RAD54L2: variants seen among roughly 807,000 people sequenced by gnomAD.
The protein encoded by RAD54L2 is helicase ARIP4.
In RAD54L2, 27 loss-of-function variants were observed where a neutral mutation model predicts 138.4. The ratio of observed to expected loss-of-function variants is 0.20; its 90% CI spans 0.14 to 0.27. The LOEUF is 0.27. RAD54L2 is among the 10% of genes least tolerant of loss of function. The pLI is 1.00. For synonymous variants in RAD54L2, 644 were observed against 723.2 expected (o/e 0.89, Z 1.76); for missense variants, 1,396 against 1,890.2 (o/e 0.74, Z 4.85).
chr3:51,645,584 C>T lies in RAD54L2; in HGVS notation c.2657-7C>T. The T allele has an allele frequency of 1.2e-6, 2 of 1,605,442 alleles. No individual in the cohort carries two copies. Among genetic ancestry groups the T allele is most frequent in the East Asian group, 4.5e-5 (2 of 44,758 alleles). On this transcript the variant is annotated splice_region_variant and splice_polypyrimidine_tract_variant and intron_variant, in intron 17 of 22. Transcript: ENST00000684192. This position sits in a 1 kb window ranked among gnomAD's most constrained non-coding sequence, Gnocchi z 6.1. ...TGCTGACTTTCTTCATGTCTTTATC[C>T]TTCTAGATCGGGTGGTGGATGATCT...
intron 3 of RAD54L2, among the ~76,000 whole-genome samples, chr3:51,607,848 G>GC (rs1170184763): frequency 4.0e-5 from 6 of 148,810 alleles, no homozygotes; most frequent in Admixed American, 2.0e-4. Context: ...GGGCAGAGGC[G>GC]CCCCCCACCT....
chr3:51,577,321 A>T (rs1164537561), intron 2 of RAD54L2, among the ~76,000 whole-genome samples: 1 of 152,112 alleles, frequency 6.6e-6, no homozygotes, highest in African/African-American at 2.4e-5. Context: ...TGTATATTCT[A>T]TTGATTTGGG....
In RAD54L2 at chr3:51,633,697, A is replaced by G; in HGVS notation, c.946A>G (p.Ile316Val). ...SMGLGKTLQV[I>V]SFIDVLFRHT... ...GGGTCTGGGGAAAACTTTGCAAGTG[A>G]TCTCTTTCATCGACGTCCTCTTCCG... The change falls in exon 8 of 23, where the codon ATC (isoleucine) becomes GTC (valine). Residue 316 changes from isoleucine (I) to valine (V), a missense_variant. By Grantham distance (29) the Ile-to-Val change is conservative. Around this residue, in one of 7 missense-constraint regions of RAD54L2, gnomAD observed 169 missense variants for 235.6 expected, o/e 0.72. Transcript: ENST00000684192. 1 of 1,613,922 alleles carries G rather than the reference A, an allele frequency of 6.2e-7. No individual in the cohort carries two copies. The highest frequency in any genetic ancestry group is 8.5e-7 in the Non-Finnish European group (1 of 1,179,862).
At chr3:51,582,836 G>C (rs1028561419) in intron 2 of RAD54L2, among the ~76,000 whole-genome samples, 1 of 151,434 alleles carries the variant, frequency 6.6e-6, no homozygotes, top group East Asian at 2.0e-4. Flanking sequence ...CGCAATCTCG[G>C]CTCACTGCAA....
chr3:51,547,226 C>G (rs555396778), intron 2 of RAD54L2, among the ~76,000 whole-genome samples: 1 of 151,942 alleles, frequency 6.6e-6, no homozygotes, highest in African/African-American at 2.4e-5. Flanking sequence ...GTGACACACA[C>G]CTAGAAGTTA....
chr3:51,571,441 G>A (rs1699334830), intron 2 of RAD54L2, among the ~76,000 whole-genome samples: 1 of 148,832 alleles, frequency 6.7e-6, no homozygotes, highest in African/African-American at 2.5e-5. Context: ...GTCCAGGCTG[G>A]TGTGCAGTGG....
At chr3:51,557,161 T>C in intron 2 of RAD54L2, among the ~76,000 whole-genome samples, 1 of 149,940 alleles carries the variant, frequency 6.7e-6, no homozygotes, top group South Asian at 2.1e-4. Context: ...ATATATTCCC[T>C]ATTTTTTGTT....
At chr3:51,657,896 A>G (rs950387512) in intron 21 of RAD54L2, among the ~76,000 whole-genome samples, 11 of 147,032 alleles carry the variant, frequency 7.5e-5, no homozygotes, top group Non-Finnish European at 1.3e-4. Flanking sequence ...TAGGGTCCCT[A>G]CATTTCTCTA....
intron 7 of RAD54L2, among the ~76,000 whole-genome samples, chr3:51,633,338 G>A (rs780722655): frequency 4.6e-5 from 7 of 152,172 alleles, no homozygotes; most frequent in African/African-American, 1.2e-4. Context: ...TGACACTACC[G>A]ATTCATGCAT....
intron 21 of RAD54L2, among the ~76,000 whole-genome samples, chr3:51,658,182 T>C (rs1701657852): frequency 6.6e-6 from 1 of 152,012 alleles, no homozygotes; most frequent in South Asian, 2.1e-4. Flanking sequence ...TCCGCCCACC[T>C]GGGCCTCCCA....
intron 3 of RAD54L2, among the ~76,000 whole-genome samples, chr3:51,607,983 T>C (rs1290270964): frequency 2.8e-5 from 4 of 144,016 alleles, no homozygotes; most frequent in African/African-American, 8.0e-5. Flanking sequence ...GCCCCCCACC[T>C]CCCGGGCGGG....
At chr3:51,630,179 C>G (rs758318099) in intron 5 of RAD54L2, 93 bp from the exon 6 acceptor site, 3 of 929,948 alleles carry the variant, frequency 3.2e-6, no homozygotes, top group Non-Finnish European at 5.2e-6. Flanking sequence ...CCCATGAGAG[C>G]TATAAAAGAA....
chr3:51,661,712 T>C (rs1701779597), intron 22 of RAD54L2, among the ~76,000 whole-genome samples: 1 of 152,216 alleles, frequency 6.6e-6, no homozygotes, highest in Non-Finnish European at 1.5e-5. Flanking sequence ...AGTTGAAAAA[T>C]AGCACCATGA....
chr3:51,665,308 T>G lies in RAD54L2; in HGVS notation c.*1888T>G, dbSNP rs1701889577. ...GCCTCTTCCCAGCCCAGAAGGCAGCTTAGTCAGGTCATCCCAGTAGTAGCT... is the reference window on the plus strand; with the variant it reads ...GCCTCTTCCCAGCCCAGAAGGCAGCGTAGTCAGGTCATCCCAGTAGTAGCT... On this transcript the variant is annotated 3_prime_UTR_variant, in exon 23 of 23. Transcript: ENST00000684192. 6.6e-6 allele frequency: 1 copy of G among 152,212 alleles called. No homozygotes were observed. Among genetic ancestry groups the G allele is most frequent in the Admixed American group, 6.5e-5 (1 of 15,278 alleles). 9.4% of individuals were successfully genotyped at this position (152,212 alleles called of 1,614,324 possible). A position where few individuals can be genotyped will look rare whatever the true frequency, so the allele number is the denominator to read the frequency against.
chr3:51,634,691 T>C (rs1700940050), intron 9 of RAD54L2, among the ~76,000 whole-genome samples: 1 of 152,188 alleles, frequency 6.6e-6, no homozygotes, highest in African/African-American at 2.4e-5. Context: ...ATTTTTTACT[T>C]ATTACATTTC....
intron 7 of RAD54L2, among the ~76,000 whole-genome samples, 190 bp from the exon 8 acceptor site, chr3:51,633,387 G>T (rs1236903709): frequency 1.3e-5 from 2 of 152,152 alleles, no homozygotes; most frequent in East Asian, 3.8e-4. Flanking sequence ...ATCCTTTTCT[G>T]TTTTTTCCAA....
intron 2 of RAD54L2, among the ~76,000 whole-genome samples, chr3:51,552,349 G>A (rs563109450): frequency 2.6e-5 from 4 of 151,078 alleles, no homozygotes; most frequent in African/African-American, 9.7e-5. Flanking sequence ...TGCAAGCTCC[G>A]CCTCCCGGGT....
At chr3:51,640,078 C>G (rs1281800998) in intron 14 of RAD54L2, 79 bp downstream of exon 14, 23 of 1,055,944 alleles carry the variant, frequency 2.2e-5, no homozygotes, top group Non-Finnish European at 3.1e-5. Context: ...AGACCAAGAC[C>G]ACCCCCGCCT....
At chr3:51,618,256 C>A (rs900975848) in intron 3 of RAD54L2, among the ~76,000 whole-genome samples, 1 of 151,628 alleles carries the variant, frequency 6.6e-6, no homozygotes, top group East Asian at 1.9e-4. Context: ...GGATTACAGG[C>A]GTGAGTCACT....
Sources: gnomAD v4.1 joint callset for allele counts (sites outside exome capture counted in the v4.1 genomes callset) on GRCh38, gnomAD v4.1.1 for gene constraint, gnomAD v4.1.1 regional missense constraint, Gnocchi (gnomAD v3.1) non-coding constraint, MANE v1.5 for transcripts, NCBI Gene and HGNC (gene_info 2026-07-23, HGNC 2026-07-21) for gene names.